ANKS1B: variants seen among roughly 807,000 people sequenced by gnomAD.
ANKS1B encodes the protein ankyrin repeat and sterile alpha motif domain-containing protein 1B.
Under a neutral mutation model 148.3 loss-of-function variants are expected in ANKS1B, and 36 were observed. The ratio of observed to expected loss-of-function variants is 0.24; its 90% CI spans 0.19 to 0.32. The LOEUF (loss-of-function observed/expected upper bound fraction) is 0.32, where lower values mean the gene tolerates loss of function less well. Ranked by LOEUF, ANKS1B falls within the 10% of genes least tolerant of loss-of-function variation. The probability of loss-of-function intolerance (pLI) is 1.00; values close to 1 mark genes in which losing one functional copy is unlikely to be tolerated. For missense variants in ANKS1B, 1,157 were observed against 1,542.6 expected (o/e 0.75, Z 4.19); for synonymous variants, 542 against 560.8 (o/e 0.97, Z 0.47).
intron 9 of ANKS1B, among the ~76,000 whole-genome samples, chr12:99,538,894 T>C (rs1354584404): frequency 1.3e-5 from 2 of 152,190 alleles, no homozygotes; most frequent in African/African-American, 4.8e-5. Flanking sequence ...ATGGCTTTAA[T>C]TATGTTGAGG....
chr12:98,831,229 G>A (rs746457474), intron 18 of ANKS1B: 1 of 152,142 alleles, frequency 6.6e-6, no homozygotes, highest in Non-Finnish European at 1.5e-5. Context: ...TCACAGGCAT[G>A]AGCCACTGCG....
chr12:99,949,519 A>C lies in ANKS1B; in HGVS notation c.134+34585T>G, dbSNP rs116956617. On this transcript the variant is annotated intron_variant, in intron 1 of 26. Coordinates refer to ENST00000683438, the MANE Select transcript of ANKS1B (RefSeq NM_001352186.2). ...ATAAGTTACTGTAATAGTTCAGGGAAGAGCCTAAACTAGAATCTCAGACAT... is the reference window on the plus strand; with the variant it reads ...ATAAGTTACTGTAATAGTTCAGGGACGAGCCTAAACTAGAATCTCAGACAT... 2.4e-3 allele frequency among the ~76,000 whole-genome samples: 372 copies of C among 152,284 alleles called. 1 individual carries two copies. Among genetic ancestry groups the C allele is most frequent in the Admixed American group, 4.6e-3 (70 of 15,298 alleles).
At chr12:99,156,862 C>A (rs373816181) in intron 14 of ANKS1B, among the ~76,000 whole-genome samples, 1 of 152,184 alleles carries the variant, frequency 6.6e-6, no homozygotes, top group Non-Finnish European at 1.5e-5. Flanking sequence ...TCAGTACATA[C>A]CTGCTAAACA....
intron 1 of ANKS1B, among the ~76,000 whole-genome samples, chr12:99,931,353 T>C (rs2094609751): frequency 6.6e-6 from 1 of 151,380 alleles, no homozygotes; most frequent in Non-Finnish European, 1.5e-5. Context: ...ATAATAAAAT[T>C]TAAAAAAAAA....
intron 9 of ANKS1B, among the ~76,000 whole-genome samples, chr12:99,647,195 TTTTCTC>T (rs1317542632): frequency 3.3e-5 from 5 of 152,172 alleles, no homozygotes; most frequent in African/African-American, 1.2e-4. Flanking sequence ...TGAAATCAGT[TTTTCTC>T]TTATTCTTTA....
intron 12 of ANKS1B, among the ~76,000 whole-genome samples, chr12:99,354,441 T>C (rs2091774689): frequency 6.6e-6 from 1 of 152,040 alleles, no homozygotes; most frequent in African/African-American, 2.4e-5. Flanking sequence ...TTTTTGTTTG[T>C]ACGTGATGTT....
intron 22 of ANKS1B, among the ~76,000 whole-genome samples, chr12:98,783,148 A>C (rs116302316): frequency 1.3e-5 from 2 of 152,356 alleles, no homozygotes; most frequent in East Asian, 3.9e-4. Flanking sequence ...ATGCAAAGCA[A>C]TATACAGCTA....
chr12:99,063,982 G>C (rs1036040393), intron 16 of ANKS1B, among the ~76,000 whole-genome samples: 2 of 152,166 alleles, frequency 1.3e-5, no homozygotes, highest in Non-Finnish European at 2.9e-5. Flanking sequence ...TAAACCCTCA[G>C]AAGTAAGAAA....
intron 17 of ANKS1B, 138 bp from the exon 18 acceptor site, chr12:98,832,274 C>T (rs1013523629): frequency 2.0e-5 from 13 of 654,800 alleles, no homozygotes; most frequent in African/African-American, 3.7e-5. Context: ...TCAGTGTGAC[C>T]GCTGAAGTCC....
At chr12:99,138,440 C>T (rs528524986) in intron 15 of ANKS1B, among the ~76,000 whole-genome samples, 3 of 152,172 alleles carry the variant, frequency 2.0e-5, no homozygotes, top group South Asian at 2.1e-4. Flanking sequence ...TAATGTAACA[C>T]AAATAACTTC....
At chr12:99,205,190 A>G (rs1286395439) in intron 14 of ANKS1B, among the ~76,000 whole-genome samples, 1 of 152,194 alleles carries the variant, frequency 6.6e-6, no homozygotes, top group East Asian at 1.9e-4. Flanking sequence ...CCAAATCTCT[A>G]AACAAGCCAG....
chr12:99,202,061 C>T (rs1014283540), intron 14 of ANKS1B, among the ~76,000 whole-genome samples: 4 of 152,094 alleles, frequency 2.6e-5, no homozygotes, highest in Admixed American at 2.0e-4. Context: ...TCTAGAAGAA[C>T]TCAACAGAGT....
intron 17 of ANKS1B, among the ~76,000 whole-genome samples, chr12:99,052,667 G>T (rs933869374): frequency 4.7e-4 from 62 of 133,028 alleles, no homozygotes; most frequent in African/African-American, 1.8e-3. Flanking sequence ...AGCGGAGCTT[G>T]CAGTGAGCCG....
rs2099125619 is a variant in ANKS1B at position 98,814,741 on chromosome 12, T to C, written c.3067-6823A>G. On this transcript the variant is annotated intron_variant, in intron 19 of 26. Transcript: ENST00000683438. ...ATATATTGCAAAGCCTCATTTAGTT[T>C]TTCTGAACCTGAATTACTATGAAAC... Among the ~76,000 whole-genome samples, 4 of 152,354 alleles carry C rather than the reference T, an allele frequency of 2.6e-5. No individual in the cohort carries two copies. The South Asian group carries it at 6.2e-4, about 24-fold the overall frequency.
chr12:98,903,585 T>C (rs1300643902), intron 17 of ANKS1B, among the ~76,000 whole-genome samples: 1 of 152,186 alleles, frequency 6.6e-6, no homozygotes, highest in Non-Finnish European at 1.5e-5. Flanking sequence ...AGAGCAGAGA[T>C]ATGGATTGGA....
chr12:98,771,507 T>C (rs1171469959), intron 25 of ANKS1B, among the ~76,000 whole-genome samples: 1 of 152,056 alleles, frequency 6.6e-6, no homozygotes, highest in Non-Finnish European at 1.5e-5. Flanking sequence ...AGGGTCTCAC[T>C]CTGTCACCTG....
chr12:99,633,445 G>A (rs1459287759), intron 9 of ANKS1B, among the ~76,000 whole-genome samples: 1 of 152,092 alleles, frequency 6.6e-6, no homozygotes, highest in Non-Finnish European at 1.5e-5. Context: ...ATAGAAAGCT[G>A]AAACTGGATC....
chr12:99,366,783 CCTTT>C lies in ANKS1B; in HGVS notation c.1756+32844_1756+32847del, dbSNP rs550501127. On this transcript the variant is annotated intron_variant, in intron 12 of 26. Transcript: ENST00000683438. ...CCCTTATATCCTAAGAGTGAGGGAG[CCTTT>C]CTAACTATGACTCAAAATACGGAAG... Among the ~76,000 whole-genome samples the C allele has an allele frequency of 1.7e-4, 26 of 151,980 alleles. No homozygotes were observed. In the South Asian group the frequency reaches 4.8e-3, roughly 28 times the overall value.
rs12302478 is a variant in ANKS1B, at chr12:99,167,252, A to C, written c.2420-12857T>G. 5.7e-3 allele frequency among the ~76,000 whole-genome samples: 869 copies of C among 152,150 alleles called. 13 individuals carry two copies. Among genetic ancestry groups the C allele is most frequent in the African/African-American group, 0.02 (841 of 41,562 alleles). ...AAAGAAAAAAATGATAAACAACTAA[A>C]ATTTTCAGACTCTTCCCTTTGAAAG... On this transcript the variant is annotated intron_variant, in intron 14 of 26. Transcript: ENST00000683438.
Sources: gnomAD v4.1 joint callset for allele counts (sites outside exome capture counted in the v4.1 genomes callset) on GRCh38, gnomAD v4.1.1 for gene constraint, MANE v1.5 for transcripts, NCBI Gene and HGNC (gene_info 2026-07-23, HGNC 2026-07-21) for gene names.